The following FER1L5 variants were observed in gnomAD, a reference collection of about 807,000 sequenced individuals.
The protein encoded by FER1L5 is fer-1-like protein 5.
A neutral mutation model predicts 279.9 loss-of-function variants in FER1L5; 187 were observed. The ratio of observed to expected loss-of-function variants is 0.67; its 90% CI spans 0.59 to 0.75. FER1L5 has a LOEUF of 0.75. FER1L5 is among the 30% of genes least tolerant of loss of function. The probability of loss-of-function intolerance (pLI) is 0.00; values close to 1 mark genes in which losing one functional copy is unlikely to be tolerated. For missense variants in FER1L5, 2,091 were observed against 2,594.4 expected (o/e 0.81, Z 4.21); for synonymous variants, 921 against 989.7 (o/e 0.93, Z 1.30).
intron 24 of FER1L5, chr2:96,688,978 T>C: frequency 2.0e-6 from 1 of 502,114 alleles, no homozygotes; most frequent in South Asian, 2.3e-5. Context: ...TCTTATGATA[T>C]CTCTGTCCAC....
Position 96,689,027 on chromosome 2 carries a change from C to T in FER1L5, c.2362-186C>T. ...ACCCCACTCTGCCAGCTGAATGATC[C>T]AGGGCAGGGTTGACCTCTGGGCCTC... On this transcript the variant is annotated intron_variant, in intron 24 of 52. Transcript: ENST00000624922. This position sits in a 1 kb window ranked among gnomAD's most constrained non-coding sequence, Gnocchi z 4.6. 1.6e-6 allele frequency: 1 copy of T among 619,704 alleles called. No individual in the cohort carries two copies. Among genetic ancestry groups the T allele is most frequent in the Non-Finnish European group, 2.8e-6 (1 of 362,204 alleles). The allele number at this position is 619,704 out of a possible 1,614,324, so 38.4% of individuals were successfully genotyped here. A position where few individuals can be genotyped will look rare whatever the true frequency, so the allele number is the denominator to read the frequency against.
Position 96,643,578 on chromosome 2 carries a change from G to C in FER1L5, c.85+657G>C, listed in dbSNP as rs915205381. Among the ~76,000 whole-genome samples the C allele has an allele frequency of 2.1e-4, 32 of 152,016 alleles. 1 individual carries two copies. Among genetic ancestry groups the C allele is most frequent in the African/African-American group, 7.5e-4 (31 of 41,394 alleles). On this transcript the variant is annotated intron_variant, in intron 1 of 52. Coordinates refer to ENST00000624922, the MANE Select transcript of FER1L5 (RefSeq NM_001293083.2). ...TTGGTCAGGCTGGTCTTGAACTCCT[G>C]ACCTCAGGGGACCCACCTGCCTCGG...
chr2:96,675,312 T>G (rs1281825443), intron 19 of FER1L5, among the ~76,000 whole-genome samples: 1 of 152,198 alleles, frequency 6.6e-6, no homozygotes, highest in African/African-American at 2.4e-5. Flanking sequence ...GAAAAGAAAC[T>G]CAAAGCAAAA....
Position 96,669,147 on chromosome 2 carries a change from T to C in FER1L5, c.1362+10T>C. ...CCAGGAAGAAGGCGCTGTAAGCTTC[T>C]CACATCAGCTCTAGGGTACAGTGGA... On this transcript the variant is annotated intron_variant, in intron 17 of 52. Transcript: ENST00000624922. The C allele has an allele frequency of 1.3e-6, 2 of 1,550,802 alleles. No homozygotes were observed. Among genetic ancestry groups the C allele is most frequent in the Non-Finnish European group, 1.7e-6 (2 of 1,146,618 alleles).
At chr2:96,674,349 A>G (rs1483550239) in intron 19 of FER1L5, among the ~76,000 whole-genome samples, 1 of 152,090 alleles carries the variant, frequency 6.6e-6, no homozygotes, top group African/African-American at 2.4e-5. Flanking sequence ...CAGCCTCCCG[A>G]GTAGCTGGGA....
At chr2:96,659,290 T>TCCTTCC (rs2075732527) in intron 9 of FER1L5, among the ~76,000 whole-genome samples, 1 of 80,942 alleles carries the variant, frequency 1.2e-5, no homozygotes, top group African/African-American at 4.9e-5. Context: ...TTTATCAAGC[T>TCCTTCC]TTCCTTCCTT....
rs980439955 is a variant in FER1L5, at chr2:96,691,265, C to T, written c.2819C>T (p.Ser940Leu). The change falls in exon 28 of 53, where the codon TCG becomes TTG. Residue 940 changes from serine to leucine, a missense_variant. Coordinates refer to ENST00000624922, the MANE Select transcript of FER1L5 (RefSeq NM_001293083.2). The surrounding 1 kb of genome is among the most constrained non-coding windows in gnomAD (Gnocchi z 6.0). ...AGCCCGGTGGAGAAGACCTACCACTCGTGCCGCCGCCGGCGCTGGGCGCGT... is the reference window on the plus strand; with the variant it reads ...AGCCCGGTGGAGAAGACCTACCACTTGTGCCGCCGCCGGCGCTGGGCGCGT... ...VWSPVEKTYH[S>L]CRRRRWARVR... 1.7e-5 allele frequency: 26 copies of T among 1,550,372 alleles called. No homozygotes were observed. The Admixed American group carries it at 2.0e-4, about 12-fold the overall frequency.
chr2:96,665,774 C>T (rs1207359294), intron 14 of FER1L5, among the ~76,000 whole-genome samples: 3 of 151,934 alleles, frequency 2.0e-5, no homozygotes, highest in Non-Finnish European at 4.4e-5. Context: ...TTAGTAGAGA[C>T]GAGGTTTCAC....
rs1486021013 is a variant in FER1L5 at position 96,668,778 on chromosome 2, T to G, written c.1168T>G (p.Phe390Val). The G allele has an allele frequency of 1.5e-5, 24 of 1,551,514 alleles. No homozygotes were observed. The highest frequency in any genetic ancestry group is 1.8e-5 in the Non-Finnish European group (21 of 1,146,996). The change falls in exon 15 of 53, where the codon TTC becomes GTC. Residue 390 changes from phenylalanine to valine, a missense_variant. Physicochemically the swap from Phe to Val is conservative, Grantham distance 50. Coordinates refer to ENST00000624922, the MANE Select transcript of FER1L5 (RefSeq NM_001293083.2). ...QLPCLSSYIK[F>V]RVLDCRKKDC... is the part of the protein sequence containing the mutation. The stretch of plus-strand genomic sequence containing the variant: ...ACCCTGCCTCTCCAGCTACATCAAG[T>G]TCAGAGTCTTGGACTGGTGAGCAAC...
rs2075779229 is a variant in FER1L5 at position 96,659,358 on chromosome 2, C to CTTCCTTCCTTCT, written c.748-976_748-975insCTTCTTTCCTTC. 4.1e-4 allele frequency among the ~76,000 whole-genome samples: 25 copies of CTTCCTTCCTTCT among 60,580 alleles called. 2 individuals are homozygous for CTTCCTTCCTTCT. The highest frequency in any genetic ancestry group is 2.1e-4 in the Non-Finnish European group (7 of 32,904). The allele number at this position is 60,580 out of a possible 152,430, so 39.7% of individuals were successfully genotyped here. ...CCTTCCTTCCTTCCTTCCTTCCTTCCTTCCTTCTTTCTTTCTTTCTTTCTT... is the reference window on the plus strand; with the variant it reads ...CCTTCCTTCCTTCCTTCCTTCCTTCCTTCCTTCCTTCTTTCCTTCTTTCTTTCTTTCTTTCTT... On this transcript the variant is annotated intron_variant, in intron 9 of 52. Coordinates refer to ENST00000624922, the MANE Select transcript of FER1L5 (RefSeq NM_001293083.2).
chr2:96,700,220 C>T, intron 44 of FER1L5, 112 bp from the exon 45 acceptor site: 1 of 1,561,420 alleles, frequency 6.4e-7, no homozygotes, highest in Non-Finnish European at 8.6e-7. Context: ...AGCAGCCCAT[C>T]CCTTTCCCCT....
At chr2:96,651,239 CTTTCTTTCTTTCTTTCTT>C (rs2075352379) in intron 6 of FER1L5, among the ~76,000 whole-genome samples, 1 of 24,100 alleles carries the variant, frequency 4.1e-5, no homozygotes, top group African/African-American at 1.5e-4. Context: ...CTTTCTTTCT[CTTTCTTTCTTTCTTTCTT>C]TCTTTCTTTC....
intron 19 of FER1L5, among the ~76,000 whole-genome samples, chr2:96,674,187 C>T (rs145709890): frequency 3.5e-4 from 53 of 152,288 alleles, no homozygotes; most frequent in African/African-American, 1.3e-3. Flanking sequence ...CTCCCACCTC[C>T]CCAGCCCTAG....
intron 1 of FER1L5, among the ~76,000 whole-genome samples, chr2:96,643,731 A>ATTT (rs575542946): frequency 7.3e-6 from 1 of 136,944 alleles, no homozygotes; most frequent in Non-Finnish European, 1.6e-5. Context: ...TATTATCTCC[A>ATTT]TTTTTTTTTT....
chr2:96,696,008 C>G lies in FER1L5; in HGVS notation c.4058-44C>G, dbSNP rs748034463. ...GTGGGGTTGGTGCTTCCTCCTCAGC[C>G]CTCTCCCCATCCTGAGACTCGTCCC... On this transcript the variant is annotated intron_variant, in intron 36 of 52. Coordinates refer to ENST00000624922, the MANE Select transcript of FER1L5 (RefSeq NM_001293083.2). 1.9e-5 allele frequency: 31 copies of G among 1,612,732 alleles called. No homozygotes were observed. In the Admixed American group the frequency reaches 2.2e-4, roughly 11 times the overall value.
At chr2:96,643,676 A>T (rs1299591804) in intron 1 of FER1L5, among the ~76,000 whole-genome samples, 1 of 151,060 alleles carries the variant, frequency 6.6e-6, no homozygotes, top group Non-Finnish European at 1.5e-5. Flanking sequence ...ATGTACAATG[A>T]TGTCTGCTCC....
chr2:96,669,165 A>G, intron 17 of FER1L5, 28 bp downstream of exon 17: 1 of 1,543,362 alleles, frequency 6.5e-7, no homozygotes, highest in Non-Finnish European at 8.8e-7. Flanking sequence ...GCTCTAGGGT[A>G]CAGTGGAGGT....
chr2:96,703,789 T>C (rs1376140277), intron 51 of FER1L5, among the ~76,000 whole-genome samples, 157 bp downstream of exon 51: 2 of 150,012 alleles, frequency 1.3e-5, no homozygotes, highest in Non-Finnish European at 3.0e-5. Flanking sequence ...GGGGTGAGGG[T>C]TGGAGTAAGC....
At position 96,699,059 on chromosome 2, in the gene FER1L5, G is replaced by A. The variant is rs988110896; in HGVS notation, c.4533G>A (p.Val1511=). The A allele has an allele frequency of 1.2e-6, 2 of 1,610,616 alleles. No homozygotes were observed. The highest frequency in any genetic ancestry group is 1.7e-6 in the Non-Finnish European group (2 of 1,178,578). Residue 1511 remains valine, a synonymous_variant, in exon 42 of 53, where the codon GTG becomes GTA. Transcript: ENST00000624922. ...TCTGACCCCAGTGTGACCCTTATGT[G>A]ATCCTGAAACTGGGCAAGACAGAGC... The part of the protein sequence containing the change: ...QDYNGLCDPY[V]ILKLGKTELG...
Sources: gnomAD v4.1 joint callset for allele counts (sites outside exome capture counted in the v4.1 genomes callset) on GRCh38, gnomAD v4.1.1 for gene constraint, Gnocchi (gnomAD v3.1) non-coding constraint, MANE v1.5 for transcripts, NCBI Gene and HGNC (gene_info 2026-07-23, HGNC 2026-07-21) for gene names.